The following BLM variants were observed in gnomAD, a reference collection of about 807,000 sequenced individuals.
BLM encodes the protein BLM RecQ like helicase.
In BLM, 95 loss-of-function variants were observed where a neutral mutation model predicts 135.3. The observed-to-expected ratio is 0.70, with a 90% CI of 0.59 to 0.83. The LOEUF is 0.83. Among genes scored for constraint, BLM ranks in the 40% least tolerant of loss-of-function variants. The pLI, the probability that BLM is intolerant of heterozygous loss-of-function variation, is 0.00. For synonymous variants in BLM, 520 were observed against 589.2 expected (o/e 0.88, Z 1.70); for missense variants, 1,518 against 1,663.9 (o/e 0.91, Z 1.53).
intron 1 of BLM, among the ~76,000 whole-genome samples, chr15:90,724,940 A>ACT (rs1894870330): frequency 6.6e-6 from 1 of 151,778 alleles, no homozygotes. Context: ...AAGGAGTCTC[A>ACT]CTCTGTCGCC....
chr15:90,760,879 T>G lies in BLM; in HGVS notation c.1506T>G (p.Ser502Arg). The G allele has an allele frequency of 1.2e-6, 2 of 1,613,996 alleles. No homozygotes were observed. The highest frequency in any genetic ancestry group is 2.2e-5 in the South Asian group (2 of 91,082). The change falls in exon 7 of 22, where the codon AGT (serine) becomes AGG (arginine). Residue 502 changes from serine (S) to arginine (R), a missense_variant. By Grantham distance (110) the Ser-to-Arg change is moderately radical. Coordinates refer to ENST00000355112, the MANE Select transcript of BLM (RefSeq NM_000057.4). The stretch of plus-strand genomic sequence containing the variant: ...CCCATTTACAGAAGTCCTTTGTAAG[T>G]AGCAACTGGGCTGAAACACCAAGAC... ...FNTHLQKSFV[S>R]SNWAETPRLG... is the part of the protein sequence containing the mutation.
At chr15:90,757,200 T>C (rs1036843897) in intron 5 of BLM, among the ~76,000 whole-genome samples, 1 of 152,186 alleles carries the variant, frequency 6.6e-6, no homozygotes, top group Non-Finnish European at 1.5e-5. Context: ...CACCAGCCTG[T>C]AGTTTTTGGC....
chr15:90,753,853 T>C (rs1055527959), intron 4 of BLM, among the ~76,000 whole-genome samples: 1 of 152,218 alleles, frequency 6.6e-6, no homozygotes, highest in African/African-American at 2.4e-5. Context: ...TCTCCACTTA[T>C]GCCCTTGCAA....
At chr15:90,773,713 A>G (rs2611649) in intron 12 of BLM, among the ~76,000 whole-genome samples, 37,206 of 151,972 alleles carry the variant, frequency 0.24, 4,876 homozygotes, top group Middle Eastern at 0.33. Flanking sequence ...GACATTTCAT[A>G]TAAATGGAAT....
intron 1 of BLM, among the ~76,000 whole-genome samples, chr15:90,738,596 A>AAACAC (rs1895282738): frequency 6.6e-6 from 1 of 150,736 alleles, no homozygotes; most frequent in Non-Finnish European, 1.5e-5. Flanking sequence ...AAACAAAACA[A>AAACAC]AACAAAAACT....
At chr15:90,732,866 C>A (rs1384589380) in intron 1 of BLM, among the ~76,000 whole-genome samples, 15 of 152,256 alleles carry the variant, frequency 9.9e-5, no homozygotes, top group Non-Finnish European at 1.8e-4. Context: ...GAGGCCGAAG[C>A]AGGCAGATCA....
At chr15:90,746,753 A>T (rs984069684) in intron 1 of BLM, among the ~76,000 whole-genome samples, 1 of 152,188 alleles carries the variant, frequency 6.6e-6, no homozygotes, top group African/African-American at 2.4e-5. Context: ...TAGCCCCAGT[A>T]ATTTTAAGGT....
In BLM at chr15:90,771,360, G is replaced by A. The variant is rs568795506; in HGVS notation, c.2555+1774G>A. ...AAATTAGCCAGGCCTACTGGCGTGCGCCTGTAATCGCTGCTACTCAGGAGG... is the reference window on the plus strand; with the variant it reads ...AAATTAGCCAGGCCTACTGGCGTGCACCTGTAATCGCTGCTACTCAGGAGG... On this transcript the variant is annotated intron_variant, in intron 12 of 21. Transcript: ENST00000355112. Among the ~76,000 whole-genome samples the A allele has an allele frequency of 3.4e-4, 52 of 152,186 alleles. 1 individual carries two copies. Among genetic ancestry groups the A allele is most frequent in the African/African-American group, 3.1e-4 (13 of 41,552 alleles).
chr15:90,815,049 A>G lies in BLM; in HGVS notation c.4077-53A>G. Reference sequence around the variant, plus strand: ...CTCTGTGCAGGTTGAGAGGAAGGTCATTCATTTTTGGTTTCATTTAACATT... The same window carrying G: ...CTCTGTGCAGGTTGAGAGGAAGGTCGTTCATTTTTGGTTTCATTTAACATT... On this transcript the variant is annotated intron_variant, in intron 21 of 21. Transcript: ENST00000355112. The surrounding 1 kb of genome is among the most constrained non-coding windows in gnomAD (Gnocchi z 4.6). 3 of 1,432,640 alleles carry G rather than the reference A, an allele frequency of 2.1e-6. No homozygotes were observed. The highest frequency in any genetic ancestry group is 1.9e-6 in the Non-Finnish European group (2 of 1,030,038). The allele number at this position is 1,432,640 out of a possible 1,614,324, so 88.7% of individuals were successfully genotyped here. A position where few individuals can be genotyped will look rare whatever the true frequency, so the allele number is the denominator to read the frequency against.
At chr15:90,785,593 C>T (rs1265403562) in intron 14 of BLM, among the ~76,000 whole-genome samples, 2 of 149,698 alleles carry the variant, frequency 1.3e-5, no homozygotes, top group Non-Finnish European at 3.0e-5. Context: ...GCCCAGACTA[C>T]AGTGCAGTAG....
chr15:90,810,687 G>GT (rs1177612042), intron 20 of BLM, among the ~76,000 whole-genome samples: 1 of 152,156 alleles, frequency 6.6e-6, no homozygotes, highest in Admixed American at 6.5e-5. Context: ...GCAAAGACAA[G>GT]TTTTTTTGTC....
intron 10 of BLM, among the ~76,000 whole-genome samples, chr15:90,768,801 C>T (rs1896210407): frequency 1.3e-5 from 2 of 152,330 alleles, no homozygotes; most frequent in South Asian, 4.1e-4. Context: ...TCTTGGCTCA[C>T]TGCAACCTCC....
At chr15:90,784,351 T>TTTTTTTTTTTTTTTTTTTTG (rs534653059) in intron 13 of BLM, among the ~76,000 whole-genome samples, 1 of 125,112 alleles carries the variant, frequency 8.0e-6, no homozygotes, top group African/African-American at 3.6e-5. Context: ...TTTTTTTTTT[T>TTTTTTTTTTTTTTTTTTTTG]GAGGCTGAGT....
At chr15:90,788,342 G>T (rs1347334098) in intron 14 of BLM, among the ~76,000 whole-genome samples, 1 of 152,056 alleles carries the variant, frequency 6.6e-6, no homozygotes, top group African/African-American at 2.4e-5. Context: ...CATTTATGTT[G>T]AAACCAACAA....
chr15:90,791,442 A>G (rs761812642), intron 15 of BLM, among the ~76,000 whole-genome samples: 5 of 152,118 alleles, frequency 3.3e-5, no homozygotes, highest in Non-Finnish European at 7.4e-5. Context: ...TTTTCAGTCA[A>G]CAGTAGGATG....
At chr15:90,771,520 T>C (rs117988672) in intron 12 of BLM, among the ~76,000 whole-genome samples, 8,709 of 151,468 alleles carry the variant, frequency 0.057, 342 homozygotes, top group Non-Finnish European at 0.077. Flanking sequence ...AAAAAAGATG[T>C]CATATTATAC....
At chr15:90,777,296 C>T (rs1475307519) in intron 12 of BLM, among the ~76,000 whole-genome samples, 9 of 152,216 alleles carry the variant, frequency 5.9e-5, no homozygotes, top group East Asian at 3.9e-4. Context: ...GGATTACAGG[C>T]GCCCGCCACC....
intron 1 of BLM, among the ~76,000 whole-genome samples, chr15:90,736,741 A>G (rs1895228256): frequency 7.8e-6 from 1 of 127,396 alleles, no homozygotes; most frequent in Non-Finnish European, 1.6e-5. Flanking sequence ...AAACGGGTGT[A>G]GAGTGATTTC....
intron 1 of BLM, among the ~76,000 whole-genome samples, chr15:90,721,473 C>T (rs1264453027): frequency 2.6e-5 from 4 of 151,896 alleles, no homozygotes; most frequent in Non-Finnish European, 4.4e-5. Context: ...ATTACAGGCA[C>T]CCGCCACCAC....
Sources: allele counts gnomAD v4.1 joint callset (sites outside exome capture counted in the v4.1 genomes callset), GRCh38; gene constraint gnomAD v4.1.1; non-coding constraint Gnocchi (gnomAD v3.1); transcripts MANE v1.5; gene names NCBI Gene and HGNC (gene_info 2026-07-23, HGNC 2026-07-21).